Variants in SESN2 observed in about 807,000 individuals in gnomAD.
SESN2 encodes sestrin 2, also known as sestrin-2.
SESN2 carries 42 observed loss-of-function variants against 56.0 expected under a neutral mutation model. That is an observed-to-expected ratio of 0.75 (90% CI 0.59 to 0.97). The LOEUF is 0.97. Among genes scored for constraint, SESN2 ranks in the 50% least tolerant of loss-of-function variants. The probability of loss-of-function intolerance (pLI) is 0.00; values close to 1 mark genes in which losing one functional copy is unlikely to be tolerated. For missense variants in SESN2, 507 were observed against 649.4 expected, an observed-to-expected ratio of 0.78 and a Z score of 2.38; for synonymous variants, 264 against 267.1, an observed-to-expected ratio of 0.99 and a Z score of 0.11.
At chr1:28,265,773 C>T (rs1037379861) in intron 1 of SESN2, among the ~76,000 whole-genome samples, 1 of 152,138 alleles carries the variant, frequency 6.6e-6, no homozygotes, top group African/African-American at 2.4e-5. Flanking sequence ...GATCCTCCAC[C>T]ACCAAGCCTT....
At chr1:28,259,967 C>T in intron 1 of SESN2, 30 bp downstream of exon 1, 1 of 1,464,646 alleles carries the variant, frequency 6.8e-7, no homozygotes, top group South Asian at 1.2e-5. Flanking sequence ...CGCCCCTCTT[C>T]CCTGGAACCC....
In SESN2 at chr1:28,271,887, C is replaced by T. The variant is rs376506152; in HGVS notation, c.354+16C>T. ...TGCCATCATGGTGAGCCTCTCTGGG[C>T]CTGACACTTGGAGAGGTGGCTTTGT... On this transcript the variant is annotated intron_variant, in intron 3 of 9. Transcript: ENST00000253063. 1 of 1,612,896 alleles carries T rather than the reference C, an allele frequency of 6.2e-7. No homozygotes were observed. Among genetic ancestry groups the T allele is most frequent in the South Asian group, 1.1e-5 (1 of 91,050 alleles).
chr1:28,270,427 A>G (rs1322828088), intron 2 of SESN2, among the ~76,000 whole-genome samples: 2 of 152,100 alleles, frequency 1.3e-5, no homozygotes, highest in East Asian at 3.9e-4. Flanking sequence ...GAGCTAACAA[A>G]CATTTACCCT....
chr1:28,260,994 A>G (rs1226007317), intron 1 of SESN2, among the ~76,000 whole-genome samples: 1 of 152,192 alleles, frequency 6.6e-6, no homozygotes, highest in Non-Finnish European at 1.5e-5. Context: ...GGCTTTCTTC[A>G]TTAACCCCAC....
rs1647300571 is a variant in SESN2, at chr1:28,259,680, C to G, written c.-168C>G. The G allele has an allele frequency of 5.8e-6, 3 of 516,766 alleles. No homozygotes were observed. Among genetic ancestry groups the G allele is most frequent in the Non-Finnish European group, 1.0e-5 (3 of 301,372 alleles). The allele number at this position is 516,766 out of a possible 1,614,324, so 32.0% of individuals were successfully genotyped here. Reference sequence around the variant, plus strand: ...CCCGACTGGGGGAAGAGTCCAGCACCAAAGCGGCCGTTCTCGGATTCCGGA... The same window carrying G: ...CCCGACTGGGGGAAGAGTCCAGCACGAAAGCGGCCGTTCTCGGATTCCGGA... On this transcript the variant is annotated 5_prime_UTR_variant, in exon 1 of 10. Coordinates refer to ENST00000253063, the MANE Select transcript of SESN2 (RefSeq NM_031459.5).
chr1:28,264,039 A>G (rs1187742903), intron 1 of SESN2, among the ~76,000 whole-genome samples: 1 of 150,994 alleles, frequency 6.6e-6, no homozygotes, highest in Admixed American at 6.6e-5. Flanking sequence ...AGCCTTGGCA[A>G]CACAGTGAGA....
chr1:28,267,770 A>T (rs1288105751), intron 1 of SESN2, among the ~76,000 whole-genome samples: 1 of 152,190 alleles, frequency 6.6e-6, no homozygotes, highest in East Asian at 1.9e-4. Flanking sequence ...GCAGCATATA[A>T]CAGGTCAAAA....
At chr1:28,273,891 C>G (rs1647912144) in intron 6 of SESN2, 149 bp from the exon 7 acceptor site, 2 of 650,832 alleles carry the variant, frequency 3.1e-6, no homozygotes, top group Admixed American at 2.5e-5. Context: ...AGGCCTGGCT[C>G]CAGCTGAAAT....
At chr1:28,277,253 A>G (rs1487416992) in intron 8 of SESN2, among the ~76,000 whole-genome samples, 19 of 147,528 alleles carry the variant, frequency 1.3e-4, no homozygotes, top group Admixed American at 4.1e-4. Context: ...CCCAGGCTGG[A>G]GTAGAGTGGA....
chr1:28,271,917 G>T (rs552862772), intron 3 of SESN2, 46 bp downstream of exon 3: 30 of 1,571,044 alleles, frequency 1.9e-5, no homozygotes, highest in East Asian at 6.7e-5. Context: ...CTTTGTGGTG[G>T]GTTCTGTCCT....
chr1:28,280,603 C>T (rs1648205210), intron 9 of SESN2, 113 bp from the exon 10 acceptor site: 2 of 798,472 alleles, frequency 2.5e-6, no homozygotes, highest in South Asian at 3.0e-5. Flanking sequence ...GCTGGGGCAG[C>T]TCTGTAGGAA....
In SESN2 at chr1:28,263,580, C is replaced by G. The variant is rs147186098; in HGVS notation, c.90+3643C>G. ...GTAGCTGAGACCAGGGACTTACAGG[C>G]TCTATAAAGGATAATATAGGGTAAC... On this transcript the variant is annotated intron_variant, in intron 1 of 9. Transcript: ENST00000253063. Among the ~76,000 whole-genome samples, 32 of 152,232 alleles carry G rather than the reference C, an allele frequency of 2.1e-4. No homozygotes were observed. In the East Asian group the frequency reaches 6.2e-3, roughly 29 times the overall value.
At chr1:28,273,894 G>C (rs1471837224) in intron 6 of SESN2, 146 bp from the exon 7 acceptor site, 1 of 655,338 alleles carries the variant, frequency 1.5e-6, no homozygotes, top group Non-Finnish European at 2.7e-6. Context: ...CCTGGCTCCA[G>C]CTGAAATCTT....
At chr1:28,270,323 C>T (rs1440378792) in intron 2 of SESN2, among the ~76,000 whole-genome samples, 1 of 150,680 alleles carries the variant, frequency 6.6e-6, no homozygotes, top group African/African-American at 2.4e-5. Flanking sequence ...TGCACTCCAG[C>T]TTGCGTGACA....
chr1:28,276,010 G>T (rs1648025290), intron 8 of SESN2, among the ~76,000 whole-genome samples: 1 of 152,096 alleles, frequency 6.6e-6, no homozygotes, highest in Admixed American at 6.6e-5. Flanking sequence ...AGCCAGGCAT[G>T]GTGGCTGACG....
chr1:28,265,433 G>C (rs1219712081), intron 1 of SESN2, among the ~76,000 whole-genome samples: 1 of 152,096 alleles, frequency 6.6e-6, no homozygotes, highest in Non-Finnish European at 1.5e-5. Context: ...CACTCTTGTT[G>C]CCCAGGCTGG....
intron 1 of SESN2, among the ~76,000 whole-genome samples, chr1:28,265,229 G>T (rs989879013): frequency 6.6e-6 from 1 of 152,338 alleles, no homozygotes; most frequent in African/African-American, 2.4e-5. Context: ...ACTTGGAGGG[G>T]TCATTTCTTG....
In SESN2 at chr1:28,281,027, T is replaced by C. The variant is rs190182009; in HGVS notation, c.*225T>C. 5.0e-4 allele frequency: 261 copies of C among 518,418 alleles called. 3 individuals carry two copies. The East Asian group carries it at 7.3e-3, about 14-fold the overall frequency. 32.1% of individuals were successfully genotyped at this position (518,418 alleles called of 1,614,324 possible). A position where few individuals can be genotyped will look rare whatever the true frequency, so the allele number is the denominator to read the frequency against. ...CTGCTCCTGGGAGCTGGAAGAGCACTTGGAGATCCTAAGGGACCACACCCT... is the reference window on the plus strand; with the variant it reads ...CTGCTCCTGGGAGCTGGAAGAGCACCTGGAGATCCTAAGGGACCACACCCT... On this transcript the variant is annotated 3_prime_UTR_variant, in exon 10 of 10. Coordinates refer to ENST00000253063, the MANE Select transcript of SESN2 (RefSeq NM_031459.5).
intron 8 of SESN2, among the ~76,000 whole-genome samples, chr1:28,278,749 TCA>T (rs939455049): frequency 6.6e-6 from 1 of 152,216 alleles, no homozygotes; most frequent in African/African-American, 2.4e-5. Context: ...TCTCTAAATC[TCA>T]GTTTCCTCAT....
Sources: allele counts gnomAD v4.1 joint callset (sites outside exome capture counted in the v4.1 genomes callset), GRCh38; gene constraint gnomAD v4.1.1; transcripts MANE v1.5; gene names NCBI Gene and HGNC (gene_info 2026-07-23, HGNC 2026-07-21).